GTF3A: variants seen among roughly 807,000 people sequenced by gnomAD.
GTF3A encodes the protein general transcription factor IIIA.
Under a neutral mutation model 37.6 loss-of-function variants are expected in GTF3A, and 40 were observed. The observed-to-expected ratio is 1.06, with a 90% CI of 0.83 to 1.38. The LOEUF (loss-of-function observed/expected upper bound fraction) is 1.38. Among genes scored for constraint, GTF3A ranks in the 40% most tolerant of loss-of-function variants. The pLI is 0.00. For synonymous variants in GTF3A, 191 were observed against 166.7 expected, an observed-to-expected ratio of 1.15 and a Z score of -1.12; for missense variants, 500 against 462.6, an observed-to-expected ratio of 1.08 and a Z score of -0.74.
chr13:27,427,315 T>C (rs1953614851), intron 2 of GTF3A, 123 bp downstream of exon 2: 2 of 652,312 alleles, frequency 3.1e-6, no homozygotes, highest in African/African-American at 1.8e-5. Flanking sequence ...CGGTGGCTCA[T>C]GCCTGTAATC....
At chr13:27,425,757 C>A (rs1953600682) in intron 1 of GTF3A, 1 of 152,122 alleles carries the variant, frequency 6.6e-6, no homozygotes. Context: ...CAGTTTTTGG[C>A]AGAGCTAGGC....
At position 27,435,793 on chromosome 13, in the gene GTF3A, A is replaced by G. The variant is rs756750858; in HGVS notation, c.*196A>G. The G allele has an allele frequency of 6.2e-7, 1 of 1,614,204 alleles. No homozygotes were observed. Among genetic ancestry groups the G allele is most frequent in the Non-Finnish European group, 8.5e-7 (1 of 1,180,020 alleles). ...CTCCTCATTTTTGCTGAAAGCACGA[A>G]GAACACACATTAAAGCTTTTCCTCC... On this transcript the variant is annotated 3_prime_UTR_variant, in exon 9 of 9. Transcript: ENST00000381140.
In GTF3A at chr13:27,435,543, C is replaced by T; in HGVS notation, c.1044C>T (p.Pro348=). Residue 348 remains proline, a synonymous_variant, in exon 9 of 9, where the codon CCC becomes CCT. Coordinates refer to ENST00000381140, the MANE Select transcript of GTF3A (RefSeq NM_002097.3). ...CTTTGTGTCAAAACGGAGAGTCACC[C>T]AACTGTGTGGAAGACAAGATGCTCT... 1 of 1,613,298 alleles carries T rather than the reference C, an allele frequency of 6.2e-7. No individual in the cohort carries two copies. Among genetic ancestry groups the T allele is most frequent in the Non-Finnish European group, 8.5e-7 (1 of 1,179,364 alleles).
intron 4 of GTF3A, 83 bp from the exon 5 acceptor site, chr13:27,432,648 G>T: frequency 8.7e-7 from 1 of 1,143,700 alleles, no homozygotes. Flanking sequence ...TTTGGTGGGA[G>T]AAACAGGACA....
intron 6 of GTF3A, 152 bp from the exon 7 acceptor site, chr13:27,434,653 G>A: frequency 3.4e-6 from 2 of 590,950 alleles, no homozygotes; most frequent in Non-Finnish European, 6.0e-6. Context: ...CTTCCTAGGT[G>A]ATAAAAACTG....
chr13:27,432,657 C>CAA, intron 4 of GTF3A, 74 bp from the exon 5 acceptor site: 1 of 1,235,364 alleles, frequency 8.1e-7, no homozygotes, highest in East Asian at 2.5e-5. Context: ...AGAAACAGGA[C>CAA]AAAGTGCCAT....
At chr13:27,428,350 C>T (rs903817926) in intron 2 of GTF3A, among the ~76,000 whole-genome samples, 6 of 152,140 alleles carry the variant, frequency 3.9e-5, no homozygotes, top group Admixed American at 1.3e-4. Context: ...TGTCTTATCT[C>T]GGTCCCTTCC....
rs1953586614 is a variant in GTF3A, at chr13:27,424,757, T to A, written c.20T>A (p.Val7Asp). ...GGCGCCCTGGATCCGCCGGCCGTGGTCGCCGAGTCGGTGTCGTCCTTGACC... is the reference window on the plus strand; with the variant it reads ...GGCGCCCTGGATCCGCCGGCCGTGGACGCCGAGTCGGTGTCGTCCTTGACC... Residue 7 changes from valine (V) to aspartate (D), a missense_variant, in exon 1 of 9, where the codon GTC becomes GAC. Coordinates refer to ENST00000381140, the MANE Select transcript of GTF3A (RefSeq NM_002097.3). 6.7e-7 allele frequency: 1 copy of A among 1,484,028 alleles called. No individual in the cohort carries two copies. Among genetic ancestry groups the A allele is most frequent in the Admixed American group, 2.3e-5 (1 of 43,242 alleles). The allele number at this position is 1,484,028 out of a possible 1,614,324, so 91.9% of individuals were successfully genotyped here. A position where few individuals can be genotyped will look rare whatever the true frequency, so the allele number is the denominator to read the frequency against.
intron 4 of GTF3A, among the ~76,000 whole-genome samples, chr13:27,431,970 A>C (rs1348300409): frequency 2.0e-5 from 3 of 152,242 alleles, no homozygotes; most frequent in Non-Finnish European, 4.4e-5. Context: ...AGGCTGAGAA[A>C]TTACTTAACT....
chr13:27,432,901 G>A, intron 5 of GTF3A, 97 bp downstream of exon 5: 1 of 949,696 alleles, frequency 1.1e-6, no homozygotes, highest in Non-Finnish European at 1.7e-6. Flanking sequence ...TGGGAACCCT[G>A]TGAACAGGGG....
chr13:27,428,412 G>T (rs941639879), intron 2 of GTF3A, among the ~76,000 whole-genome samples: 1 of 152,136 alleles, frequency 6.6e-6, no homozygotes, highest in Non-Finnish European at 1.5e-5. Context: ...GTGCCCTCCC[G>T]TGTGCTTCCC....
chr13:27,429,816 A>T, intron 2 of GTF3A, 54 bp from the exon 3 acceptor site: 1 of 936,088 alleles, frequency 1.1e-6, no homozygotes, highest in Non-Finnish European at 1.6e-6. Flanking sequence ...TATGTGTCTT[A>T]AAACTTCTTC....
At chr13:27,429,010 G>T (rs950374556) in intron 2 of GTF3A, among the ~76,000 whole-genome samples, 8 of 152,104 alleles carry the variant, frequency 5.3e-5, no homozygotes, top group African/African-American at 1.9e-4. Flanking sequence ...AGGCCGGAGA[G>T]TGCACTTTCT....
chr13:27,425,669 G>C (rs971049824), intron 1 of GTF3A: 1 of 152,230 alleles, frequency 6.6e-6, no homozygotes, highest in Non-Finnish European at 1.5e-5. Context: ...CAGATACCAT[G>C]ATATGACGTG....
chr13:27,435,210 A>G lies in GTF3A; in HGVS notation c.933+18A>G, dbSNP rs1192275818. ...AGCTCAAAGTAAGTTGAAACTACTTAGGCAAGCTTAGTTTTCAAGTGGAAA... is the reference window on the plus strand; with the variant it reads ...AGCTCAAAGTAAGTTGAAACTACTTGGGCAAGCTTAGTTTTCAAGTGGAAA... On this transcript the variant is annotated intron_variant, in intron 8 of 8. Transcript: ENST00000381140. The G allele has an allele frequency of 1.9e-6, 3 of 1,576,358 alleles. No individual in the cohort carries two copies. Among genetic ancestry groups the G allele is most frequent in the Non-Finnish European group, 1.7e-6 (2 of 1,162,454 alleles).
chr13:27,432,664 C>A, intron 4 of GTF3A, 67 bp from the exon 5 acceptor site: 1 of 1,278,454 alleles, frequency 7.8e-7, no homozygotes, highest in Non-Finnish European at 1.1e-6. Flanking sequence ...GGACAAAGTG[C>A]CATTGACCTT....
chr13:27,434,242 G>C (rs1566077537), intron 6 of GTF3A, 23 bp downstream of exon 6: 1 of 889,892 alleles, frequency 1.1e-6, no homozygotes. Flanking sequence ...TGAATGGCAG[G>C]CATGGTGTAA....
intron 5 of GTF3A, 34 bp from the exon 6 acceptor site, chr13:27,434,105 T>C (rs1188113103): frequency 3.6e-6 from 3 of 834,520 alleles, no homozygotes; most frequent in African/African-American, 3.3e-5. Flanking sequence ...ACACTGAGTA[T>C]TCATGACAGA....
intron 1 of GTF3A, 131 bp from the exon 2 acceptor site, chr13:27,426,961 C>T (rs543819202): frequency 3.8e-4 from 233 of 611,292 alleles, no homozygotes; most frequent in Non-Finnish European, 6.5e-4. Context: ...GCAGTGGGTG[C>T]ACAGCTCTGA....
Sources: allele counts gnomAD v4.1 joint callset (sites outside exome capture counted in the v4.1 genomes callset), GRCh38; gene constraint gnomAD v4.1.1; transcripts MANE v1.5; gene names NCBI Gene and HGNC (gene_info 2026-07-23, HGNC 2026-07-21).